The following WDR19 variants were observed in gnomAD, a reference collection of about 807,000 sequenced individuals.
The protein encoded by WDR19 is WD repeat domain 19.
In WDR19, 121 loss-of-function variants were observed where a neutral mutation model predicts 180.0. That is an observed-to-expected ratio of 0.67 (90% CI 0.58 to 0.78). WDR19 has a LOEUF of 0.78. Ranked by LOEUF, WDR19 falls within the 30% of genes least tolerant of loss-of-function variation. The pLI is 0.00. For missense variants in WDR19, 1,450 were observed against 1,640.7 expected (o/e 0.88, Z 2.01); for synonymous variants, 497 against 540.7 (o/e 0.92, Z 1.12).
At chr4:39,207,949 CAACTA>C (rs1180807970) in intron 9 of WDR19, among the ~76,000 whole-genome samples, 3 of 151,832 alleles carry the variant, frequency 2.0e-5, no homozygotes, top group African/African-American at 4.8e-5. Context: ...ATATATAAGA[CAACTA>C]TACTATAAAG....
chr4:39,231,621 G>A (rs996621562), intron 17 of WDR19, among the ~76,000 whole-genome samples, 176 bp from the exon 18 acceptor site: 1 of 152,124 alleles, frequency 6.6e-6, no homozygotes, highest in African/African-American at 2.4e-5. Flanking sequence ...ACATTTATCT[G>A]TAAAAAAAGG....
In WDR19 at chr4:39,231,817, T is replaced by C. The variant is rs1577943470; in HGVS notation, c.2003T>C (p.Met668Thr). 2 of 1,582,472 alleles carry C rather than the reference T, an allele frequency of 1.3e-6. No homozygotes were observed. Among genetic ancestry groups the C allele is most frequent in the Non-Finnish European group, 1.7e-6 (2 of 1,156,994 alleles). The change falls in exon 18 of 37, where the codon ATG (methionine) becomes ACG (threonine). Residue 668 changes from methionine to threonine, a missense_variant. Physicochemically the swap from Met to Thr is moderately conservative, Grantham distance 81 (BLOSUM62 -1). Coordinates refer to ENST00000399820, the MANE Select transcript of WDR19 (RefSeq NM_025132.4). ...CCCAGGTTTTCTGATGCTTGGGAAA[T>C]GTGCAGGATTCTGAATGATGAGGCT... Reference protein sequence around the residue: ...MLKRFSDAWEMCRILNDEAAW... With the variant: ...MLKRFSDAWETCRILNDEAAW...
chr4:39,233,429 G>C (rs1052736831), intron 19 of WDR19, among the ~76,000 whole-genome samples: 2 of 152,108 alleles, frequency 1.3e-5, no homozygotes, highest in African/African-American at 2.4e-5. Context: ...TTTAAAGTAG[G>C]AAGAATAATA....
chr4:39,268,580 G>A (rs1735035046), intron 30 of WDR19, among the ~76,000 whole-genome samples: 1 of 152,220 alleles, frequency 6.6e-6, no homozygotes, highest in African/African-American at 2.4e-5. Flanking sequence ...TATTGAGTGA[G>A]TAAGAGGATT....
At position 39,218,068 on chromosome 4, in the gene WDR19, A is replaced by G. The variant is rs1729264976; in HGVS notation, c.1442A>G (p.His481Arg). The G allele has an allele frequency of 6.2e-7, 1 of 1,613,942 alleles. No individual in the cohort carries two copies. The highest frequency in any genetic ancestry group is 8.5e-7 in the Non-Finnish European group (1 of 1,179,844). Residue 481 changes from histidine to arginine, a missense_variant, in exon 14 of 37, where the codon CAT (histidine) becomes CGT (arginine). By Grantham distance (29) the His-to-Arg change is conservative (BLOSUM62 0). Transcript: ENST00000399820. Reference protein sequence around the residue: ...AVDDKCRILCHALTSDFLIYG... With the variant: ...AVDDKCRILCRALTSDFLIYG... ...GATGATAAGTGCCGTATCTTATGCC[A>G]TGCCTTAACTAGTGATTTCCTCATC...
chr4:39,232,304 A>G (rs746699774), intron 19 of WDR19, 32 bp downstream of exon 19: 1 of 1,561,596 alleles, frequency 6.4e-7, no homozygotes, highest in Non-Finnish European at 8.8e-7. Context: ...GAAATTGTGT[A>G]AGAGGTATCC....
At chr4:39,278,870 A>G (rs1305670734) in intron 36 of WDR19, among the ~76,000 whole-genome samples, 1 of 152,232 alleles carries the variant, frequency 6.6e-6, no homozygotes, top group Non-Finnish European at 1.5e-5. Context: ...TGTTTAGCCA[A>G]GCAGTATGAT....
chr4:39,268,961 A>C (rs1735073940), intron 30 of WDR19, among the ~76,000 whole-genome samples: 1 of 152,154 alleles, frequency 6.6e-6, no homozygotes, highest in African/African-American at 2.4e-5. Flanking sequence ...GAGACGAGAG[A>C]AGGCAATGAA....
At chr4:39,247,817 A>G (rs1046154214) in intron 24 of WDR19, among the ~76,000 whole-genome samples, 5 of 151,984 alleles carry the variant, frequency 3.3e-5, no homozygotes, top group African/African-American at 1.2e-4. Context: ...AAGAATAAAA[A>G]GAAACGAACA....
intron 33 of WDR19, chr4:39,276,813 C>T: frequency 1.8e-6 from 1 of 550,318 alleles, no homozygotes; most frequent in Non-Finnish European, 3.1e-6. Context: ...ATGTAACACC[C>T]TAGAACCTAA....
At chr4:39,221,394 T>G (rs1302365610) in intron 14 of WDR19, among the ~76,000 whole-genome samples, 1 of 152,226 alleles carries the variant, frequency 6.6e-6, no homozygotes, top group Non-Finnish European at 1.5e-5. Context: ...TTGGAATAAG[T>G]GTAGTAGTCT....
At chr4:39,192,186 A>T (rs1284266684) in intron 4 of WDR19, among the ~76,000 whole-genome samples, 1 of 152,198 alleles carries the variant, frequency 6.6e-6, no homozygotes, top group Non-Finnish European at 1.5e-5. Flanking sequence ...ATATATGATC[A>T]CTGTTGCTGA....
intron 24 of WDR19, among the ~76,000 whole-genome samples, chr4:39,251,602 A>G (rs1733192529): frequency 6.6e-6 from 1 of 152,214 alleles, no homozygotes; most frequent in African/African-American, 2.4e-5. Context: ...AAATTTTTGC[A>G]ACCTACTCAT....
At chr4:39,188,776 G>T (rs992894585) in intron 3 of WDR19, among the ~76,000 whole-genome samples, 1 of 151,580 alleles carries the variant, frequency 6.6e-6, no homozygotes, top group African/African-American at 2.4e-5. Context: ...TTTGAAACAG[G>T]GTCTCTCTGT....
At chr4:39,254,643 T>C (rs991631709) in intron 26 of WDR19, among the ~76,000 whole-genome samples, 1 of 152,156 alleles carries the variant, frequency 6.6e-6, no homozygotes, top group Admixed American at 6.5e-5. Context: ...CTAAAATATA[T>C]ATAATATAAA....
At chr4:39,232,706 A>T (rs944618091) in intron 19 of WDR19, among the ~76,000 whole-genome samples, 2 of 152,032 alleles carry the variant, frequency 1.3e-5, no homozygotes, top group South Asian at 4.1e-4. Flanking sequence ...CGTCTCAAAA[A>T]AAAAAAAAAG....
chr4:39,228,422 A>G (rs1048554925), intron 16 of WDR19, 64 bp from the exon 17 acceptor site: 15 of 1,602,158 alleles, frequency 9.4e-6, no homozygotes, highest in African/African-American at 1.3e-5. Flanking sequence ...AAATTAAAAC[A>G]TTCTTTCTGA....
chr4:39,232,980 AC>A (rs1321725775), intron 19 of WDR19, among the ~76,000 whole-genome samples: 1 of 152,240 alleles, frequency 6.6e-6, no homozygotes, highest in Non-Finnish European at 1.5e-5. Flanking sequence ...TGTGTAAATT[AC>A]AAAAACATAT....
intron 28 of WDR19, among the ~76,000 whole-genome samples, chr4:39,264,735 T>C (rs892246201): frequency 3.9e-5 from 6 of 152,146 alleles, no homozygotes; most frequent in Non-Finnish European, 7.3e-5. Context: ...CCCTTTTTAA[T>C]AGACACACAA....
Sources: gnomAD v4.1 joint callset for allele counts (sites outside exome capture counted in the v4.1 genomes callset) on GRCh38, gnomAD v4.1.1 for gene constraint, MANE v1.5 for transcripts, NCBI Gene and HGNC (gene_info 2026-07-23, HGNC 2026-07-21) for gene names.